The following TAF3 variants were observed in gnomAD, a reference collection of about 807,000 sequenced individuals.
The protein encoded by TAF3 is transcription initiation factor TFIID subunit 3.
A neutral mutation model predicts 80.6 loss-of-function variants in TAF3; 7 were observed. The observed-to-expected ratio is 0.09, with a 90% CI of 0.05 to 0.16. TAF3 has a LOEUF of 0.16. Ranked by LOEUF, TAF3 falls within the 10% of genes least tolerant of loss-of-function variation. The pLI, the probability that TAF3 is intolerant of heterozygous loss-of-function variation, is 1.00. For synonymous variants in TAF3, 444 were observed against 446.1 expected (o/e 1.00, Z 0.06); for missense variants, 921 against 1,140.2 (o/e 0.81, Z 2.77).
At chr10:7,821,247 T>C (rs558985031) in intron 1 of TAF3, among the ~76,000 whole-genome samples, 12 of 152,248 alleles carry the variant, frequency 7.9e-5, no homozygotes, top group Admixed American at 7.8e-4. Context: ...AATTTTGGTA[T>C]ACTTATTAGA....
intron 2 of TAF3, among the ~76,000 whole-genome samples, chr10:7,906,570 T>A (rs1837610243): frequency 6.6e-6 from 1 of 152,098 alleles, no homozygotes; most frequent in South Asian, 2.1e-4. Flanking sequence ...TAAGACACAA[T>A]TAATTTGCTT....
At chr10:7,995,655 T>C (rs1366782853) in intron 4 of TAF3, among the ~76,000 whole-genome samples, 1 of 152,234 alleles carries the variant, frequency 6.6e-6, no homozygotes, top group Non-Finnish European at 1.5e-5. Context: ...ATGCAATTTG[T>C]TTCATTTTTC....
intron 2 of TAF3, among the ~76,000 whole-genome samples, chr10:7,897,009 C>G (rs907289201): frequency 1.3e-5 from 2 of 152,144 alleles, no homozygotes; most frequent in Non-Finnish European, 1.5e-5. Flanking sequence ...CAGAGGCTGC[C>G]GACATTCTTG....
rs897243200 is a variant in TAF3, at chr10:7,865,048, T to G, written c.409+40488T>G. Among the ~76,000 whole-genome samples, 6 of 152,196 alleles carry G rather than the reference T, an allele frequency of 3.9e-5. No homozygotes were observed. In the East Asian group the frequency reaches 1.2e-3, roughly 29 times the overall value. On this transcript the variant is annotated intron_variant, in intron 2 of 6. Coordinates refer to ENST00000344293, the MANE Select transcript of TAF3 (RefSeq NM_031923.4). ...AGCTTGGTAGAAATGCCGGTGGATT[T>G]GTGGATAGAGTGATGGGTTGAGGAG...
chr10:7,865,757 G>C (rs1365012563), intron 2 of TAF3, among the ~76,000 whole-genome samples: 1 of 152,212 alleles, frequency 6.6e-6, no homozygotes, highest in African/African-American at 2.4e-5. Context: ...GACAGTACTT[G>C]AGCTGAGGTC....
intron 2 of TAF3, among the ~76,000 whole-genome samples, chr10:7,961,089 G>A (rs991067870): frequency 2.0e-5 from 3 of 152,190 alleles, no homozygotes; most frequent in African/African-American, 7.2e-5. Flanking sequence ...ACTGGAGGCC[G>A]AGACTAGGTA....
chr10:7,986,959 C>A (rs1831784705), intron 4 of TAF3, among the ~76,000 whole-genome samples: 1 of 152,136 alleles, frequency 6.6e-6, no homozygotes, highest in Admixed American at 6.6e-5. Flanking sequence ...GAAGTTTCCC[C>A]CACATCTCAC....
At chr10:7,942,007 A>G (rs184509914) in intron 2 of TAF3, among the ~76,000 whole-genome samples, 92 of 152,302 alleles carry the variant, frequency 6.0e-4, no homozygotes, top group African/African-American at 2.1e-3. Flanking sequence ...GGAGTCAGGA[A>G]TATTTGTTTT....
intron 6 of TAF3, among the ~76,000 whole-genome samples, chr10:8,014,233 T>C (rs1166590827): frequency 1.3e-5 from 2 of 152,194 alleles, no homozygotes; most frequent in African/African-American, 4.8e-5. Context: ...CTTATCTGTT[T>C]TTTAGACCTC....
At chr10:7,832,228 C>T (rs1316457333) in intron 2 of TAF3, among the ~76,000 whole-genome samples, 2 of 152,148 alleles carry the variant, frequency 1.3e-5, no homozygotes, top group Non-Finnish European at 2.9e-5. Flanking sequence ...TCTGTAACCA[C>T]TGTTCTACTC....
intron 2 of TAF3, among the ~76,000 whole-genome samples, chr10:7,912,351 TG>T (rs147979584): frequency 0.018 from 2,727 of 152,332 alleles, 82 homozygotes; most frequent in African/African-American, 0.061. Context: ...CATTCTGCGT[TG>T]GCCCCGCAAA....
intron 2 of TAF3, among the ~76,000 whole-genome samples, chr10:7,937,606 C>T (rs1837933348): frequency 6.6e-6 from 1 of 152,098 alleles, no homozygotes. Context: ...TCAGATACGC[C>T]TTGTAAATAT....
At chr10:7,915,438 A>T (rs1453325829) in intron 2 of TAF3, among the ~76,000 whole-genome samples, 1 of 143,402 alleles carries the variant, frequency 7.0e-6, no homozygotes, top group Non-Finnish European at 1.5e-5. Flanking sequence ...AGGTCAGGAG[A>T]TCGAGACCAT....
At chr10:7,847,220 G>T (rs1270589532) in intron 2 of TAF3, among the ~76,000 whole-genome samples, 4 of 152,238 alleles carry the variant, frequency 2.6e-5, no homozygotes, top group East Asian at 3.9e-4. Context: ...AATTCCTCTA[G>T]GATGACATCT....
intron 2 of TAF3, among the ~76,000 whole-genome samples, chr10:7,893,496 C>G (rs1259796574): frequency 6.6e-6 from 1 of 152,184 alleles, no homozygotes; most frequent in Non-Finnish European, 1.5e-5. Context: ...AAGATTTCCT[C>G]TTACTGTACC....
chr10:7,890,118 C>T (rs1274832881), intron 2 of TAF3, among the ~76,000 whole-genome samples: 1 of 152,218 alleles, frequency 6.6e-6, no homozygotes, highest in Non-Finnish European at 1.5e-5. Flanking sequence ...TGCCCAGTTT[C>T]ACTCTCAGTC....
chr10:8,014,733 G>A lies in TAF3; in HGVS notation c.2772G>A (p.Arg924=), dbSNP rs1251248435. The A allele has an allele frequency of 6.2e-7, 1 of 1,600,552 alleles. No homozygotes were observed. The highest frequency in any genetic ancestry group is 8.5e-7 in the Non-Finnish European group (1 of 1,173,294). ...NKKKDKKHKK[R]KHRAH ...AGAAGGACAAAAAGCACAAGAAGAGGAAGCATCGAGCCCACTGACGACTCC... is the reference window on the plus strand; with the variant it reads ...AGAAGGACAAAAAGCACAAGAAGAGAAAGCATCGAGCCCACTGACGACTCC... Residue 924 remains arginine, a synonymous_variant, in exon 7 of 7, where the codon AGG becomes AGA. Coordinates refer to ENST00000344293, the MANE Select transcript of TAF3 (RefSeq NM_031923.4).
At chr10:7,927,323 A>G (rs1228244909) in intron 2 of TAF3, among the ~76,000 whole-genome samples, 7 of 152,202 alleles carry the variant, frequency 4.6e-5, no homozygotes, top group East Asian at 3.8e-4. Context: ...ACCTTTTTCT[A>G]CGTGTTTTTC....
intron 2 of TAF3, among the ~76,000 whole-genome samples, chr10:7,912,356 C>T (rs947734504): frequency 6.6e-6 from 1 of 152,188 alleles, no homozygotes; most frequent in African/African-American, 2.4e-5. Context: ...TGCGTTGGCC[C>T]CGCAAAGCGC....
Sources: allele counts gnomAD v4.1 joint callset (sites outside exome capture counted in the v4.1 genomes callset), GRCh38; gene constraint gnomAD v4.1.1; transcripts MANE v1.5; gene names NCBI Gene and HGNC (gene_info 2026-07-23, HGNC 2026-07-21).